Variants in CFDP1 observed in about 807,000 individuals in gnomAD.
CFDP1 encodes the protein heterochromatin-stabilizing protein CFDP1.
Under a neutral mutation model 40.1 loss-of-function variants are expected in CFDP1, and 31 were observed. The observed-to-expected ratio is 0.77, with a 90% CI of 0.58 to 1.04. The LOEUF (loss-of-function observed/expected upper bound fraction) is 1.04. CFDP1 is among the 50% of genes least tolerant of loss of function. CFDP1 has a pLI of 0.00. For synonymous variants in CFDP1, 167 were observed against 120.0 expected (o/e 1.39, Z -2.56); for missense variants, 423 against 343.4 (o/e 1.23, Z -1.83).
intron 5 of CFDP1, among the ~76,000 whole-genome samples, chr16:75,317,654 C>G (rs1159443224): frequency 6.6e-6 from 1 of 152,186 alleles, no homozygotes; most frequent in African/African-American, 2.4e-5. Flanking sequence ...TTATTAAATA[C>G]AGCTTCTAAC....
chr16:75,394,408 C>T (rs11643410), intron 5 of CFDP1, among the ~76,000 whole-genome samples: 78,782 of 152,050 alleles, frequency 0.52, 21,493 homozygotes, highest in Admixed American at 0.64. Context: ...CATTAAGTTC[C>T]TGACAATGTG....
intron 5 of CFDP1, among the ~76,000 whole-genome samples, chr16:75,348,612 TTTTACTGCAGTAATTA>T (rs2078586672): frequency 6.6e-6 from 1 of 152,100 alleles, no homozygotes; most frequent in Non-Finnish European, 1.5e-5. Context: ...AAAATTCAAA[TTTTACTGCAGTAATTA>T]TTTACTGCAA....
intron 5 of CFDP1, among the ~76,000 whole-genome samples, chr16:75,356,300 T>C (rs920012176): frequency 2.6e-5 from 4 of 152,226 alleles, no homozygotes; most frequent in African/African-American, 9.6e-5. Context: ...TCTTGATCCA[T>C]GGGCTGCAGA....
chr16:75,375,962 T>G (rs1567661825), intron 5 of CFDP1, among the ~76,000 whole-genome samples: 1 of 152,210 alleles, frequency 6.6e-6, no homozygotes, highest in African/African-American at 2.4e-5. Flanking sequence ...CCTATAATCC[T>G]TGCAGTTTGG....
intron 1 of CFDP1, among the ~76,000 whole-genome samples, chr16:75,427,039 C>T (rs59072059): frequency 0.037 from 4,656 of 124,792 alleles, 228 homozygotes; most frequent in African/African-American, 0.12. Flanking sequence ...TGGGGGACAG[C>T]GAGACTGTCT....
chr16:75,318,061 C>T (rs145796294), intron 5 of CFDP1, among the ~76,000 whole-genome samples: 40 of 152,194 alleles, frequency 2.6e-4, no homozygotes, highest in African/African-American at 8.4e-4. Context: ...GCAGAGGTTG[C>T]AGTGTGCCGA....
intron 5 of CFDP1, among the ~76,000 whole-genome samples, chr16:75,313,389 G>A (rs1374225198): frequency 1.3e-5 from 2 of 152,202 alleles, no homozygotes; most frequent in Non-Finnish European, 2.9e-5. Flanking sequence ...GAGTGCAGTG[G>A]CGTGGTCTCG....
At chr16:75,383,650 C>T (rs773526238) in intron 5 of CFDP1, among the ~76,000 whole-genome samples, 16 of 151,892 alleles carry the variant, frequency 1.1e-4, no homozygotes, top group Admixed American at 1.3e-4. Context: ...GAAACCCTGC[C>T]TCTACTAAAA....
intron 5 of CFDP1, among the ~76,000 whole-genome samples, chr16:75,366,969 G>T (rs2078718532): frequency 6.6e-6 from 1 of 151,928 alleles, no homozygotes. Context: ...TTCAAGACCA[G>T]CCTGGCCAAC....
chr16:75,294,549 T>TA (rs1052586227), intron 6 of CFDP1, among the ~76,000 whole-genome samples: 2 of 152,056 alleles, frequency 1.3e-5, no homozygotes, highest in Non-Finnish European at 2.9e-5. Context: ...AAGAAGACAG[T>TA]AAAAATGACC....
At chr16:75,359,062 T>C (rs552873759) in intron 5 of CFDP1, among the ~76,000 whole-genome samples, 308 of 152,334 alleles carry the variant, frequency 2.0e-3, no homozygotes, top group Middle Eastern at 6.8e-3. Flanking sequence ...ACTACATATT[T>C]GAGTGAGACT....
intron 5 of CFDP1, among the ~76,000 whole-genome samples, chr16:75,357,324 A>G (rs529105778): frequency 2.6e-5 from 4 of 151,922 alleles, no homozygotes; most frequent in African/African-American, 9.7e-5. Flanking sequence ...GCATGATCTC[A>G]GTTCAGTGCA....
rs546600793 is a variant in CFDP1, at chr16:75,314,174, C to T, written c.651-8992G>A. Among the ~76,000 whole-genome samples the T allele has an allele frequency of 5.3e-5, 8 of 152,262 alleles. No homozygotes were observed. In the East Asian group the frequency reaches 9.7e-4, roughly 18 times the overall value. ...TGCAGAGATTACAGGCGTGAGCCAT[C>T]GCACCTGGCCTTGTTCATTGTTATA... On this transcript the variant is annotated intron_variant, in intron 5 of 6. Coordinates refer to ENST00000283882, the MANE Select transcript of CFDP1 (RefSeq NM_006324.3).
At chr16:75,311,431 G>A (rs2078291857) in intron 5 of CFDP1, among the ~76,000 whole-genome samples, 4 of 152,090 alleles carry the variant, frequency 2.6e-5, no homozygotes, top group Admixed American at 1.3e-4. Flanking sequence ...GAGCCACTAT[G>A]CCCAATCTAC....
intron 5 of CFDP1, among the ~76,000 whole-genome samples, chr16:75,306,893 A>ACACG (rs2078261426): frequency 1.4e-5 from 2 of 144,354 alleles, no homozygotes; most frequent in South Asian, 4.5e-4. Flanking sequence ...ACACACACAC[A>ACACG]CACACACACG....
At chr16:75,380,496 G>A (rs2078843667) in intron 5 of CFDP1, among the ~76,000 whole-genome samples, 1 of 150,974 alleles carries the variant, frequency 6.6e-6, no homozygotes, top group African/African-American at 2.4e-5. Flanking sequence ...AGGCAGTAGA[G>A]AACTAGAACT....
rs930641600 is a variant in CFDP1, at chr16:75,366,656, T to C, written c.650+28434A>G. Among the ~76,000 whole-genome samples, 11 of 151,970 alleles carry C rather than the reference T, an allele frequency of 7.2e-5. No homozygotes were observed. In the South Asian group the frequency reaches 2.1e-3, roughly 29 times the overall value. On this transcript the variant is annotated intron_variant, in intron 5 of 6. Transcript: ENST00000283882. ...AAACAAACAAACAAAAAAACCGTTA[T>C]AGGGAGATAGATACTGAAAGACTAT...
intron 5 of CFDP1, among the ~76,000 whole-genome samples, chr16:75,333,184 C>T (rs1385785551): frequency 2.1e-5 from 3 of 144,840 alleles, no homozygotes; most frequent in Non-Finnish European, 3.0e-5. Flanking sequence ...AGTGCAGTGG[C>T]GCGATCTCAG....
At chr16:75,361,284 T>A (rs1414001213) in intron 5 of CFDP1, among the ~76,000 whole-genome samples, 1 of 152,188 alleles carries the variant, frequency 6.6e-6, no homozygotes, top group Admixed American at 6.5e-5. Context: ...GTGCTGTGAT[T>A]ACAGGCATGA....
Sources: gnomAD v4.1 joint callset for allele counts (sites outside exome capture counted in the v4.1 genomes callset) on GRCh38, gnomAD v4.1.1 for gene constraint, MANE v1.5 for transcripts, NCBI Gene and HGNC (gene_info 2026-07-23, HGNC 2026-07-21) for gene names.